The following DOCK9 variants were observed in gnomAD, a reference collection of about 807,000 sequenced individuals.
DOCK9 encodes dedicator of cytokinesis protein 9.
A neutral mutation model predicts 263.3 loss-of-function variants in DOCK9; 89 were observed. That is an observed-to-expected ratio of 0.34 (90% confidence interval 0.28 to 0.40). The LOEUF (loss-of-function observed/expected upper bound fraction) is 0.40, where lower values mean the gene tolerates loss of function less well. Among genes scored for constraint, DOCK9 ranks in the 10% least tolerant of loss-of-function variants. The probability of loss-of-function intolerance (pLI) is 1.00; values close to 1 mark genes in which losing one functional copy is unlikely to be tolerated. For synonymous variants in DOCK9, 976 were observed against 973.1 expected (o/e 1.00, Z -0.06); for missense variants, 2,140 against 2,603.4 (o/e 0.82, Z 3.87).
intron 1 of DOCK9, among the ~76,000 whole-genome samples, chr13:99,042,604 C>G (rs927459857): frequency 2.6e-4 from 39 of 152,172 alleles, no homozygotes; most frequent in African/African-American, 8.4e-4. Flanking sequence ...CCAGCAATCT[C>G]CTGTCAAAAG....
intron 1 of DOCK9, among the ~76,000 whole-genome samples, chr13:99,026,588 G>A (rs776302863): frequency 7.2e-5 from 11 of 152,168 alleles, no homozygotes; most frequent in Non-Finnish European, 1.0e-4. Flanking sequence ...TATTATGTTA[G>A]GGAGGTCTGG....
chr13:98,927,673 T>C, intron 3 of DOCK9, among the ~76,000 whole-genome samples: 1 of 151,902 alleles, frequency 6.6e-6, no homozygotes, highest in Non-Finnish European at 1.5e-5. Flanking sequence ...CAGGCTGGAG[T>C]GCAGTGGTGC....
At chr13:98,885,440 C>CA in intron 20 of DOCK9, 3 of 514,356 alleles carry the variant, frequency 5.8e-6, no homozygotes, top group Non-Finnish European at 7.0e-6. Context: ...CCCGTCTCTA[C>CA]AAAAAAATAC....
At position 98,915,451 on chromosome 13, in the gene DOCK9, C is replaced by T; in HGVS notation, c.770G>A (p.Ser257Asn). Residue 257 changes from serine to asparagine, a missense_variant, in exon 8 of 53, where the codon AGT becomes AAT. Coordinates refer to ENST00000682017, the MANE Select transcript of DOCK9 (RefSeq NM_001366683.2). Reference sequence around the variant, plus strand: ...TTCACTGTCTGCTGCCAAGAGATAACTACTTTTGTCCTGCATCTTGAGCTC... The same window carrying T: ...TTCACTGTCTGCTGCCAAGAGATAATTACTTTTGTCCTGCATCTTGAGCTC... ...AFELKMQDKSSYLLAADSEVE... is the reference protein window; with the variant it reads ...AFELKMQDKSNYLLAADSEVE... The T allele has an allele frequency of 6.2e-7, 1 of 1,613,942 alleles. No individual in the cohort carries two copies. The highest frequency in any genetic ancestry group is 1.1e-5 in the South Asian group (1 of 91,066).
intron 9 of DOCK9, 77 bp downstream of exon 9, chr13:98,914,251 C>A: frequency 2.4e-6 from 3 of 1,242,336 alleles, no homozygotes; most frequent in South Asian, 1.4e-5. Context: ...CAACAGATTC[C>A]ATTCTGGACA....
intron 27 of DOCK9, among the ~76,000 whole-genome samples, chr13:98,873,693 AG>A (rs943257321): frequency 6.6e-6 from 1 of 152,230 alleles, no homozygotes; most frequent in African/African-American, 2.4e-5. Flanking sequence ...GCAGCACTCC[AG>A]GGGGCAAACA....
intron 1 of DOCK9, 25 bp from the exon 2 acceptor site, chr13:98,955,576 A>G: frequency 6.9e-7 from 1 of 1,454,368 alleles, no homozygotes; most frequent in Non-Finnish European, 9.5e-7. Flanking sequence ...GATAAGCAAG[A>G]CATTCTCATA....
At chr13:98,831,269 T>C (rs1342925900) in intron 41 of DOCK9, 79 bp downstream of exon 41, 4 of 1,425,058 alleles carry the variant, frequency 2.8e-6, no homozygotes, top group Admixed American at 4.7e-5. Flanking sequence ...GTAAATTGGT[T>C]AATGTGATAC....
At chr13:98,948,614 A>G (rs1173318246) in intron 2 of DOCK9, among the ~76,000 whole-genome samples, 1 of 152,186 alleles carries the variant, frequency 6.6e-6, no homozygotes, top group Non-Finnish European at 1.5e-5. Context: ...CATTAAGTAC[A>G]TTCTCATTTT....
In DOCK9 at chr13:98,825,905, T is replaced by A; in HGVS notation, c.5023+925A>T. On this transcript the variant is annotated intron_variant, in intron 44 of 52. Transcript: ENST00000682017. The surrounding 1 kb of genome is among the most constrained non-coding windows in gnomAD (Gnocchi z 4.1). ...CTCCTCCTCAGGCAGGCGCTATGGC[T>A]GTGGGGGAGAAGGGGCGGCTCCCAC... 1 of 1,555,396 alleles carries A rather than the reference T, an allele frequency of 6.4e-7. No individual in the cohort carries two copies. The highest frequency in any genetic ancestry group is 1.2e-5 in the South Asian group (1 of 80,530).
In DOCK9 at chr13:98,881,411, G is replaced by C. The variant is rs575674186; in HGVS notation, c.2745+147C>G. 5.1e-5 allele frequency: 31 copies of C among 612,278 alleles called. No homozygotes were observed. In the African/African-American group the frequency reaches 5.7e-4, roughly 11 times the overall value. 37.9% of individuals were successfully genotyped at this position (612,278 alleles called of 1,614,324 possible). A position where few individuals can be genotyped will look rare whatever the true frequency, so the allele number is the denominator to read the frequency against. On this transcript the variant is annotated intron_variant, in intron 25 of 52. Coordinates refer to ENST00000682017, the MANE Select transcript of DOCK9 (RefSeq NM_001366683.2). ...TCCCTCTTCGTACCTCCCCTATTCAGGTACAAGCATTGGCTATGAGAAATA... is the reference window on the plus strand; with the variant it reads ...TCCCTCTTCGTACCTCCCCTATTCACGTACAAGCATTGGCTATGAGAAATA...
chr13:99,029,774 C>T (rs567501539), intron 1 of DOCK9, among the ~76,000 whole-genome samples: 16 of 152,330 alleles, frequency 1.1e-4, no homozygotes, highest in Non-Finnish European at 1.9e-4. Flanking sequence ...AGCAATTCCA[C>T]TCCTAGGTAT....
chr13:98,882,352 C>T (rs1323927042), intron 23 of DOCK9, among the ~76,000 whole-genome samples: 1 of 152,118 alleles, frequency 6.6e-6, no homozygotes, highest in Non-Finnish European at 1.5e-5. Flanking sequence ...TGCTGTGTGG[C>T]TGTCTTTGAG....
At chr13:99,019,057 C>T (rs1187016075) in intron 1 of DOCK9, among the ~76,000 whole-genome samples, 2 of 152,118 alleles carry the variant, frequency 1.3e-5, no homozygotes, top group Non-Finnish European at 2.9e-5. Flanking sequence ...CAATCACAGG[C>T]AGGAACAAAG....
intron 1 of DOCK9, among the ~76,000 whole-genome samples, chr13:99,027,357 C>T (rs971290774): frequency 2.8e-4 from 42 of 152,132 alleles, no homozygotes; most frequent in East Asian, 1.9e-4. Flanking sequence ...TTGAGTTTTA[C>T]ATGTGATCCC....
At chr13:98,992,026 A>G (rs188775475) in intron 1 of DOCK9, among the ~76,000 whole-genome samples, 3 of 151,888 alleles carry the variant, frequency 2.0e-5, no homozygotes, top group African/African-American at 4.8e-5. Context: ...ATGGAAGACC[A>G]CCGCATGTAC....
chr13:98,805,910 G>A (rs2090648491), intron 48 of DOCK9, among the ~76,000 whole-genome samples: 1 of 152,114 alleles, frequency 6.6e-6, no homozygotes, highest in Non-Finnish European at 1.5e-5. Context: ...ACAGGTGTGT[G>A]CCACCATGCC....
At chr13:98,897,386 T>C in intron 15 of DOCK9, 102 bp downstream of exon 15, 1 of 1,438,332 alleles carries the variant, frequency 7.0e-7, no homozygotes, top group Non-Finnish European at 9.4e-7. Flanking sequence ...CCATCCCCTC[T>C]GATGTCTAAA....
intron 33 of DOCK9, chr13:98,859,753 G>GTGTGTA (rs780605483): frequency 7.5e-6 from 1 of 132,488 alleles, no homozygotes; most frequent in African/African-American, 2.7e-5. Context: ...GTGTGTGTGT[G>GTGTGTA]TATATATATA....
Sources: allele counts gnomAD v4.1 joint callset (sites outside exome capture counted in the v4.1 genomes callset), GRCh38; gene constraint gnomAD v4.1.1; non-coding constraint Gnocchi (gnomAD v3.1); transcripts MANE v1.5; gene names NCBI Gene and HGNC (gene_info 2026-07-23, HGNC 2026-07-21).